The following MAN1B1 variants were observed in gnomAD, a reference collection of about 807,000 sequenced individuals.
MAN1B1 encodes the protein mannosidase alpha class 1B member 1.
Under a neutral mutation model 75.5 loss-of-function variants are expected in MAN1B1, and 66 were observed. That is an observed-to-expected ratio of 0.87 (90% confidence interval 0.72 to 1.07). The LOEUF is 1.07. MAN1B1 is among the 50% of genes least tolerant of loss of function. MAN1B1 has a pLI of 0.00. For synonymous variants in MAN1B1, 453 were observed against 382.8 expected (o/e 1.18, Z -2.14); for missense variants, 973 against 912.5 (o/e 1.07, Z -0.85).
intron 12 of MAN1B1, 185 bp from the exon 13 acceptor site, chr9:137,108,203 C>T: frequency 1.6e-6 from 1 of 637,032 alleles, no homozygotes; most frequent in East Asian, 2.7e-5. Context: ...GGGTTGTTGG[C>T]ATTTCCAGGT....
chr9:137,100,488 A>C (rs1336436836), intron 6 of MAN1B1, among the ~76,000 whole-genome samples: 1 of 152,160 alleles, frequency 6.6e-6, no homozygotes, highest in Non-Finnish European at 1.5e-5. Context: ...CTGCAGGGGA[A>C]CGATAACGCC....
Position 137,105,941 on chromosome 9 carries a change from G to A in MAN1B1, c.1255-184G>A, listed in dbSNP as rs940020978. On this transcript the variant is annotated intron_variant, in intron 8 of 12. Transcript: ENST00000371589. ...GGTGCGTTGCACTGGTGGCTGTGTG[G>A]CTGTGTGGTACGGCCACCAGGAGCC... 4 of 700,078 alleles carry A rather than the reference G, an allele frequency of 5.7e-6. No individual in the cohort carries two copies. In the African/African-American group the frequency reaches 7.0e-5, roughly 12 times the overall value. The allele number at this position is 700,078 out of a possible 1,614,324, so 43.4% of individuals were successfully genotyped here.
intron 8 of MAN1B1, chr9:137,103,034 A>G: frequency 2.3e-6 from 1 of 437,480 alleles, no homozygotes; most frequent in Non-Finnish European, 4.5e-6. Flanking sequence ...GTGGTGTTAC[A>G]TTCACACTGT....
Position 137,108,631 on chromosome 9 carries a change from G to A in MAN1B1, c.*40G>A. On this transcript the variant is annotated 3_prime_UTR_variant, in exon 13 of 13. Transcript: ENST00000371589. ...GGTGTGGGGACTTCGGGTGGGCAGAGGCACCTTGCTGGGTCTGTGGCATTT... is the reference window on the plus strand; with the variant it reads ...GGTGTGGGGACTTCGGGTGGGCAGAAGCACCTTGCTGGGTCTGTGGCATTT... The A allele has an allele frequency of 6.3e-7, 1 of 1,591,706 alleles. No homozygotes were observed. Among genetic ancestry groups the A allele is most frequent in the Non-Finnish European group, 8.6e-7 (1 of 1,160,410 alleles).
intron 10 of MAN1B1, 142 bp from the exon 11 acceptor site, chr9:137,107,108 C>T: frequency 1.1e-6 from 1 of 912,854 alleles, no homozygotes; most frequent in Non-Finnish European, 1.7e-6. Context: ...CTCCGCTGTT[C>T]CATGCCAAGT....
chr9:137,106,265 C>G lies in MAN1B1; in HGVS notation c.1395C>G (p.Tyr465Ter), dbSNP rs1310010767. ...CGCTGGGCGCCAGGGCCGACAGCTA[C>G]TATGAGTACCTGCTGAAGCAGTGGA... ...VFTLGARADS[Y>*]YEYLLKQWIQ... Residue 465 changes from tyrosine to a stop codon, truncating the protein, a stop_gained, in exon 9 of 13, where the codon TAC (tyrosine) becomes TAG (stop). Transcript: ENST00000371589. LOFTEE classifies it high-confidence loss of function. The G allele has an allele frequency of 4.5e-6, 7 of 1,570,450 alleles. No homozygotes were observed. The highest frequency in any genetic ancestry group is 6.0e-6 in the Non-Finnish European group (7 of 1,157,962).
chr9:137,104,153 G>C, intron 8 of MAN1B1: 1 of 438,528 alleles, frequency 2.3e-6, no homozygotes, highest in South Asian at 1.6e-5. Context: ...CCCAGTCCCT[G>C]AAAAACACTG....
intron 2 of MAN1B1, chr9:137,088,541 G>T: frequency 3.0e-6 from 3 of 991,296 alleles, no homozygotes; most frequent in South Asian, 2.6e-5. Flanking sequence ...TGAGGATGTG[G>T]AGAATCTCTT....
At chr9:137,096,877 G>C (rs955392864) in intron 4 of MAN1B1, among the ~76,000 whole-genome samples, 1 of 152,218 alleles carries the variant, frequency 6.6e-6, no homozygotes, top group South Asian at 2.1e-4. Flanking sequence ...TCCATGTTAC[G>C]CTCTTAGAAA....
intron 8 of MAN1B1, chr9:137,102,811 C>T (rs1588622421): frequency 3.4e-5 from 15 of 440,362 alleles, no homozygotes; most frequent in Middle Eastern, 3.4e-4. Flanking sequence ...CTGTTGCAGG[C>T]GTGCAGGTCG....
chr9:137,105,671 A>G (rs1831068054), intron 8 of MAN1B1: 1 of 332,776 alleles, frequency 3.0e-6, no homozygotes, highest in Non-Finnish European at 5.8e-6. Context: ...GACTTGGAGG[A>G]TGAGTAGGAG....
chr9:137,100,940 T>C, intron 6 of MAN1B1, 65 bp from the exon 7 acceptor site: 1 of 1,585,280 alleles, frequency 6.3e-7, no homozygotes, highest in Non-Finnish European at 8.7e-7. Flanking sequence ...TGAAGATGGA[T>C]AGATAATAGG....
chr9:137,090,380 C>G (rs1025423999), intron 3 of MAN1B1, among the ~76,000 whole-genome samples: 1 of 152,148 alleles, frequency 6.6e-6, no homozygotes, highest in African/African-American at 2.4e-5. Flanking sequence ...ACAGCGCTTT[C>G]TAACAGTGGC....
chr9:137,087,970 C>G (rs1357279166), intron 1 of MAN1B1, 105 bp from the exon 2 acceptor site: 1 of 941,380 alleles, frequency 1.1e-6, no homozygotes, highest in African/African-American at 1.6e-5. Context: ...GAGCTGAACA[C>G]TGGATCTTCC....
Position 137,106,292 on chromosome 9 carries a change from C to A in MAN1B1, c.1422C>A (p.Ile474=). 6.4e-7 allele frequency: 1 copy of A among 1,556,620 alleles called. No homozygotes were observed. Among genetic ancestry groups the A allele is most frequent in the Non-Finnish European group, 8.7e-7 (1 of 1,150,774 alleles). ...ATGAGTACCTGCTGAAGCAGTGGAT[C>A]CAGGGCGGGAAGCAGGAGACACAGT... ...SYYEYLLKQW[I]QGGKQETQLL... Residue 474 remains isoleucine, a synonymous_variant, in exon 9 of 13, where the codon ATC becomes ATA. Transcript: ENST00000371589.
At chr9:137,102,450 C>T (rs201892640) in intron 8 of MAN1B1, 14,029 of 411,730 alleles carry the variant, frequency 0.034, 416 homozygotes, top group African/African-American at 0.062. Flanking sequence ...CTGTTGCAGG[C>T]GTGCAGGTCG....
intron 10 of MAN1B1, 178 bp from the exon 11 acceptor site, chr9:137,107,072 C>T (rs1203580992): frequency 2.2e-5 from 17 of 778,660 alleles, no homozygotes; most frequent in Middle Eastern, 3.8e-4. Context: ...GTGTGGGGGC[C>T]GGGTTGGAGG....
At chr9:137,107,135 C>A in intron 10 of MAN1B1, 115 bp from the exon 11 acceptor site, 1 of 1,179,402 alleles carries the variant, frequency 8.5e-7, no homozygotes. Context: ...GCGTGGCCTC[C>A]CCTCCCAGGG....
In MAN1B1 at chr9:137,107,407, A is replaced by C; in HGVS notation, c.1724A>C (p.Asn575Thr). 6.2e-7 allele frequency: 1 copy of C among 1,613,270 alleles called. No individual in the cohort carries two copies. Among genetic ancestry groups the C allele is most frequent in the Non-Finnish European group, 8.5e-7 (1 of 1,179,962 alleles). The change falls in exon 11 of 13, where the codon AAC (asparagine) becomes ACC (threonine). Residue 575 changes from asparagine to threonine, a missense_variant. By Grantham distance (65) the Asn-to-Thr change is moderately conservative. Transcript: ENST00000371589. ...CTGAGTCCCGAGATCGTGCACTTCA[A>C]CCTTTACCCCCAGCCGGGCCGTCGG... ...TGLSPEIVHF[N>T]LYPQPGRRDV... is the part of the protein sequence containing the mutation.
Sources: gnomAD v4.1 joint callset for allele counts (sites outside exome capture counted in the v4.1 genomes callset) on GRCh38, gnomAD v4.1.1 for gene constraint, MANE v1.5 for transcripts, NCBI Gene and HGNC (gene_info 2026-07-23, HGNC 2026-07-21) for gene names.